GRID2: variants seen among roughly 807,000 people sequenced by gnomAD.
The protein encoded by GRID2 is glutamate ionotropic receptor delta type subunit 2, also known as glutamate receptor ionotropic, delta-2.
A neutral mutation model predicts 114.8 loss-of-function variants in GRID2; 33 were observed. That is an observed-to-expected ratio of 0.29 (90% CI 0.22 to 0.38). The LOEUF (loss-of-function observed/expected upper bound fraction) is 0.38. Among genes scored for constraint, GRID2 ranks in the 10% least tolerant of loss-of-function variants. The probability of loss-of-function intolerance (pLI) is 1.00; values close to 1 mark genes in which losing one functional copy is unlikely to be tolerated. For synonymous variants in GRID2, 505 were observed against 449.9 expected, an observed-to-expected ratio of 1.12 and a Z score of -1.55; for missense variants, 1,184 against 1,257.7, an observed-to-expected ratio of 0.94 and a Z score of 0.89.
intron 1 of GRID2, among the ~76,000 whole-genome samples, chr4:93,783,240 T>G (rs1734518598): frequency 6.6e-6 from 1 of 152,224 alleles, no homozygotes; most frequent in South Asian, 2.1e-4. Context: ...GTAATAACCC[T>G]GTAAGTTTGC....
intron 2 of GRID2, among the ~76,000 whole-genome samples, chr4:92,902,357 G>A (rs1035959271): frequency 2.6e-5 from 4 of 151,980 alleles, no homozygotes; most frequent in Admixed American, 1.3e-4. Context: ...AATGTAGCTA[G>A]TGGTCTATCA....
chr4:93,063,837 A>G (rs1484908916), intron 2 of GRID2, among the ~76,000 whole-genome samples: 1 of 151,722 alleles, frequency 6.6e-6, no homozygotes, highest in Non-Finnish European at 1.5e-5. Context: ...ATCCAGGCTG[A>G]ATTTCCGTAT....
chr4:93,770,273 C>A (rs1487850649), intron 15 of GRID2, among the ~76,000 whole-genome samples: 3 of 152,140 alleles, frequency 2.0e-5, no homozygotes, highest in Non-Finnish European at 2.9e-5. Flanking sequence ...GAAACAAAAA[C>A]CAATCTGAAT....
At chr4:93,048,492 A>G (rs1726379851) in intron 2 of GRID2, among the ~76,000 whole-genome samples, 1 of 151,972 alleles carries the variant, frequency 6.6e-6, no homozygotes, top group Non-Finnish European at 1.5e-5. Context: ...TCTGTGGCAA[A>G]TCACTGACTT....
intron 1 of GRID2, among the ~76,000 whole-genome samples, chr4:92,575,142 G>A (rs143879398): frequency 1.3e-5 from 2 of 152,288 alleles, no homozygotes; most frequent in East Asian, 1.9e-4. Context: ...AATTCTTGTA[G>A]TGTGTTTTTC....
At chr4:93,391,060 T>C (rs1400352035) in intron 8 of GRID2, among the ~76,000 whole-genome samples, 1 of 152,086 alleles carries the variant, frequency 6.6e-6, no homozygotes, top group Non-Finnish European at 1.5e-5. Flanking sequence ...CCACATAATC[T>C]CAAGAACGAC....
At chr4:93,325,264 A>G (rs7664952) in intron 8 of GRID2, among the ~76,000 whole-genome samples, 47,577 of 151,904 alleles carry the variant, frequency 0.31, 8,464 homozygotes, top group African/African-American at 0.48. Flanking sequence ...TTCGACCATA[A>G]TATTTTAAAA....
At chr4:92,642,258 A>G (rs1040555220) in intron 2 of GRID2, among the ~76,000 whole-genome samples, 1 of 151,786 alleles carries the variant, frequency 6.6e-6, no homozygotes, top group African/African-American at 2.4e-5. Flanking sequence ...TTTCATTCCC[A>G]CCAAAAGTAT....
chr4:92,631,136 A>C (rs1428892651), intron 2 of GRID2, among the ~76,000 whole-genome samples: 2 of 152,146 alleles, frequency 1.3e-5, no homozygotes, highest in Non-Finnish European at 2.9e-5. Flanking sequence ...GATATCTGCT[A>C]AAGGCTCTCA....
intron 8 of GRID2, among the ~76,000 whole-genome samples, chr4:93,326,841 TTA>T (rs1326504351): frequency 6.6e-6 from 1 of 152,210 alleles, no homozygotes; most frequent in Non-Finnish European, 1.5e-5. Context: ...TGAAATCCCT[TTA>T]TGTTTCATCA....
chr4:92,519,686 A>G (rs1724673849), intron 1 of GRID2, among the ~76,000 whole-genome samples: 1 of 151,760 alleles, frequency 6.6e-6, no homozygotes, highest in Non-Finnish European at 1.5e-5. Flanking sequence ...ATAAAAAAGA[A>G]TAAGTCCCAA....
intron 5 of GRID2, among the ~76,000 whole-genome samples, chr4:93,210,314 A>G (rs989464368): frequency 2.0e-5 from 3 of 152,058 alleles, no homozygotes; most frequent in Admixed American, 6.6e-5. Context: ...CTTGCCAGTT[A>G]TCCCAGCAAT....
chr4:92,611,114 G>A (rs1163030064), intron 2 of GRID2, among the ~76,000 whole-genome samples: 1 of 134,460 alleles, frequency 7.4e-6, no homozygotes, highest in Non-Finnish European at 1.7e-5. Context: ...ATATGTGTGT[G>A]TATGTGTGTG....
intron 1 of GRID2, among the ~76,000 whole-genome samples, chr4:93,788,984 T>G (rs1734645089): frequency 6.6e-6 from 1 of 152,278 alleles, no homozygotes; most frequent in East Asian, 1.9e-4. Flanking sequence ...AACAAATCAT[T>G]TTTTTATTAT....
intron 4 of GRID2, among the ~76,000 whole-genome samples, chr4:93,179,725 CATA>C (rs1739704268): frequency 6.6e-6 from 1 of 152,102 alleles, no homozygotes; most frequent in Non-Finnish European, 1.5e-5. Context: ...GGAAGAATTA[CATA>C]ATAACGTAAC....
chr4:92,616,806 T>C (rs2149234407), intron 2 of GRID2, among the ~76,000 whole-genome samples: 1 of 151,748 alleles, frequency 6.6e-6, no homozygotes, highest in East Asian at 2.0e-4. Context: ...AATCCTTTGA[T>C]ATTTGTTAAT....
intron 1 of GRID2, among the ~76,000 whole-genome samples, chr4:92,516,913 T>C (rs1316088575): frequency 6.6e-6 from 1 of 151,960 alleles, no homozygotes; most frequent in African/African-American, 2.4e-5. Context: ...ATGGATTTTA[T>C]TATTTATAAA....
At chr4:93,629,596 A>G (rs1743062432) in intron 14 of GRID2, among the ~76,000 whole-genome samples, 1 of 152,206 alleles carries the variant, frequency 6.6e-6, no homozygotes, top group African/African-American at 2.4e-5. Flanking sequence ...CACTGTGGTC[A>G]GTATGTTTTA....
chr4:93,691,058 CTT>C (rs1408552259), intron 14 of GRID2, among the ~76,000 whole-genome samples: 1 of 150,880 alleles, frequency 6.6e-6, no homozygotes, highest in Non-Finnish European at 1.5e-5. Flanking sequence ...ACTTGAAAGT[CTT>C]TTTCTGATTA....
Sources: allele counts gnomAD v4.1 joint callset (sites outside exome capture counted in the v4.1 genomes callset), GRCh38; gene constraint gnomAD v4.1.1; transcripts MANE v1.5; gene names NCBI Gene and HGNC (gene_info 2026-07-23, HGNC 2026-07-21).